SCN7A: variants seen among roughly 807,000 people sequenced by gnomAD.
SCN7A encodes sodium channel protein type 7 subunit alpha.
A neutral mutation model predicts 155.2 loss-of-function variants in SCN7A; 138 were observed. That is an observed-to-expected ratio of 0.89 (90% CI 0.77 to 1.02). The LOEUF (loss-of-function observed/expected upper bound fraction) is 1.02, where lower values mean the gene tolerates loss of function less well. SCN7A is among the 50% of genes least tolerant of loss of function. SCN7A has a pLI of 0.00. For synonymous variants in SCN7A, 693 were observed against 649.0 expected, an observed-to-expected ratio of 1.07 and a Z score of -1.03; for missense variants, 2,058 against 1,986.6, an observed-to-expected ratio of 1.04 and a Z score of -0.68.
At chr2:166,489,696 T>G (rs1683040456) in intron 1 of SCN7A, among the ~76,000 whole-genome samples, 1 of 152,230 alleles carries the variant, frequency 6.6e-6, no homozygotes, top group Non-Finnish European at 1.5e-5. Flanking sequence ...TTATCTAGGC[T>G]GCTTAATTGA....
chr2:166,432,049 T>C (rs989329451), intron 16 of SCN7A, among the ~76,000 whole-genome samples: 4 of 152,076 alleles, frequency 2.6e-5, no homozygotes, highest in Non-Finnish European at 5.9e-5. Context: ...GCTTACTCTT[T>C]ACTAGGTATT....
chr2:166,433,618 G>A (rs1184908878), intron 15 of SCN7A, among the ~76,000 whole-genome samples: 2 of 152,090 alleles, frequency 1.3e-5, no homozygotes, highest in Non-Finnish European at 2.9e-5. Flanking sequence ...TTCTCACTGA[G>A]TCAAGCTGTC....
At chr2:166,486,099 C>T (rs1703039861) in intron 2 of SCN7A, among the ~76,000 whole-genome samples, 1 of 152,164 alleles carries the variant, frequency 6.6e-6, no homozygotes, top group Admixed American at 6.5e-5. Flanking sequence ...ATCTCTCAAC[C>T]TCTGTTTAAA....
intron 21 of SCN7A, among the ~76,000 whole-genome samples, chr2:166,413,695 G>A (rs1315360754): frequency 6.6e-6 from 1 of 151,738 alleles, no homozygotes; most frequent in Non-Finnish European, 1.5e-5. Context: ...GGGGAAGACA[G>A]ACCCACCTTT....
intron 21 of SCN7A, among the ~76,000 whole-genome samples, chr2:166,414,089 ATATATATAATATAT>A (rs1335747132): frequency 7.2e-5 from 5 of 68,990 alleles, no homozygotes; most frequent in African/African-American, 1.1e-4. Flanking sequence ...ATATATGTAA[ATATATATAATATAT>A]TATATATAAA....
At chr2:166,447,890 C>T (rs1401297172) in intron 11 of SCN7A, among the ~76,000 whole-genome samples, 182 bp from the exon 12 acceptor site, 2 of 152,100 alleles carry the variant, frequency 1.3e-5, no homozygotes, top group African/African-American at 4.8e-5. Context: ...TACATGCATA[C>T]AATGTATAAT....
Position 166,413,065 on chromosome 2 carries a change from TA to T in SCN7A, c.3468+2del. 2 of 1,529,284 alleles carry T rather than the reference TA, an allele frequency of 1.3e-6. No homozygotes were observed. The highest frequency in any genetic ancestry group is 1.8e-6 in the Non-Finnish European group (2 of 1,135,832). The allele number at this position is 1,529,284 out of a possible 1,614,324, so 94.7% of individuals were successfully genotyped here. ...AATGGCTTTAAAATGATATTATACTTACAGCAACAGAATCAATTGCTGAATT... is the reference window on the plus strand; with the variant it reads ...AATGGCTTTAAAATGATATTATACTTCAGCAACAGAATCAATTGCTGAATT... On this transcript the variant is annotated splice_donor_variant, in intron 22 of 25. Coordinates refer to ENST00000643258, the MANE Select transcript of SCN7A (RefSeq NM_002976.4). LOFTEE classifies it high-confidence loss of function.
chr2:166,443,757 AC>A, intron 13 of SCN7A, 81 bp from the exon 14 acceptor site: 1 of 979,834 alleles, frequency 1.0e-6, no homozygotes, highest in Non-Finnish European at 1.5e-6. Flanking sequence ...TCTGTGACAC[AC>A]ACTGTTTACT....
At chr2:166,471,701 T>C (rs1430404047) in intron 6 of SCN7A, among the ~76,000 whole-genome samples, 1 of 141,378 alleles carries the variant, frequency 7.1e-6, no homozygotes, top group African/African-American at 2.6e-5. Flanking sequence ...ATTGTTAGAA[T>C]TGTATGAAGC....
At chr2:166,484,698 A>G (rs1703007218) in intron 2 of SCN7A, among the ~76,000 whole-genome samples, 2 of 152,030 alleles carry the variant, frequency 1.3e-5, no homozygotes, top group African/African-American at 4.8e-5. Flanking sequence ...ATGACACATT[A>G]TAAATTAGGA....
In SCN7A at chr2:166,432,572, G is replaced by C; in HGVS notation, c.2338C>G (p.His780Asp). 6.2e-7 allele frequency: 1 copy of C among 1,613,248 alleles called. No individual in the cohort carries two copies. The highest frequency in any genetic ancestry group is 1.3e-5 in the African/African-American group (1 of 74,956). Reference sequence around the variant, plus strand: ...TCTTTAACATATACCTCATTTACATGGTCCATTGTGTCCTTTGGGACATTT... The same window carrying C: ...TCTTTAACATATACCTCATTTACATCGTCCATTGTGTCCTTTGGGACATTT... ...TQNVPKDTMD[H>D]VNEVYVKEDI... Residue 780 changes from histidine (H) to aspartate (D), a missense_variant, in exon 16 of 26, where the codon CAT becomes GAT. Physicochemically the swap from His to Asp is moderately conservative, Grantham distance 81 (BLOSUM62 -1). Transcript: ENST00000643258.
In SCN7A at chr2:166,446,304, T is replaced by C. The variant is rs369939409; in HGVS notation, c.1388-1304A>G. On this transcript the variant is annotated intron_variant, in intron 12 of 25. Coordinates refer to ENST00000643258, the MANE Select transcript of SCN7A (RefSeq NM_002976.4). ...TCACTAGTCATTATAGAAATGCAAA[T>C]CAAAACCACAATGAGACACCATTTC... Among the ~76,000 whole-genome samples, 3 of 152,158 alleles carry C rather than the reference T, an allele frequency of 2.0e-5. No individual in the cohort carries two copies. In the East Asian group the frequency reaches 5.8e-4, roughly 29 times the overall value.
At chr2:166,425,599 TCTAGTGA>T (rs1403344293) in intron 18 of SCN7A, among the ~76,000 whole-genome samples, 1 of 152,070 alleles carries the variant, frequency 6.6e-6, no homozygotes, top group Non-Finnish European at 1.5e-5. Context: ...TTTTTCAGCT[TCTAGTGA>T]CTACTTATAC....
intron 1 of SCN7A, among the ~76,000 whole-genome samples, chr2:166,489,858 T>C (rs1011780925): frequency 2.6e-5 from 4 of 152,188 alleles, no homozygotes; most frequent in African/African-American, 9.7e-5. Flanking sequence ...ATTCCTAGAA[T>C]ATGTTATCTT....
At chr2:166,466,395 C>A (rs1306673635) in intron 7 of SCN7A, among the ~76,000 whole-genome samples, 1 of 152,026 alleles carries the variant, frequency 6.6e-6, no homozygotes, top group Non-Finnish European at 1.5e-5. Flanking sequence ...ATATGTTATT[C>A]TGTAATTGAC....
intron 11 of SCN7A, among the ~76,000 whole-genome samples, chr2:166,455,146 T>C (rs532720019): frequency 3.3e-5 from 5 of 152,310 alleles, no homozygotes; most frequent in Non-Finnish European, 5.9e-5. Context: ...TATCCATCCT[T>C]TTAGTACTTT....
At chr2:166,437,432 T>G (rs1269546473) in intron 15 of SCN7A, among the ~76,000 whole-genome samples, 2 of 152,176 alleles carry the variant, frequency 1.3e-5, no homozygotes, top group African/African-American at 4.8e-5. Flanking sequence ...GGCAGAGCTC[T>G]CATGGAGAAC....
chr2:166,414,861 A>G (rs1701329285), intron 21 of SCN7A: 1 of 125,752 alleles, frequency 8.0e-6, no homozygotes, highest in African/African-American at 3.1e-5. Context: ...TATATAATAT[A>G]TAATATATAT....
At position 166,430,734 on chromosome 2, in the gene SCN7A, T is replaced by C. The variant is rs1380731471; in HGVS notation, c.2593-1460A>G. Among the ~76,000 whole-genome samples the C allele has an allele frequency of 5.3e-5, 8 of 152,060 alleles. No homozygotes were observed. The East Asian group carries it at 1.5e-3, about 29-fold the overall frequency. On this transcript the variant is annotated intron_variant, in intron 16 of 25. Transcript: ENST00000643258. Reference sequence around the variant, plus strand: ...GATGTAAATTTTGATGTTATTTTTATAATATGTAAATATATATGCATATTT... The same window carrying C: ...GATGTAAATTTTGATGTTATTTTTACAATATGTAAATATATATGCATATTT...
Sources: allele counts gnomAD v4.1 joint callset (sites outside exome capture counted in the v4.1 genomes callset), GRCh38; gene constraint gnomAD v4.1.1; transcripts MANE v1.5; gene names NCBI Gene and HGNC (gene_info 2026-07-23, HGNC 2026-07-21).